ABI3: variants seen among roughly 807,000 people sequenced by gnomAD.
The protein encoded by ABI3 is ABI gene family member 3.
A neutral mutation model predicts 37.0 loss-of-function variants in ABI3; 24 were observed. The ratio of observed to expected loss-of-function variants is 0.65; its 90% CI spans 0.47 to 0.91. The LOEUF is 0.91. ABI3 is among the 40% of genes least tolerant of loss of function. The pLI is 0.00. For missense variants in ABI3, 481 were observed against 485.1 expected (o/e 0.99, Z 0.08); for synonymous variants, 220 against 211.8 (o/e 1.04, Z -0.34).
At chr17:49,222,282 C>G in intron 7 of ABI3, 57 bp downstream of exon 7, 1 of 1,567,890 alleles carries the variant, frequency 6.4e-7, no homozygotes, top group Admixed American at 1.8e-5. Flanking sequence ...TTGCCCTGAT[C>G]CCCATTCTCC....
Position 49,219,787 on chromosome 17 carries a change from C to A in ABI3, c.549-71C>A. 1.3e-6 allele frequency: 2 copies of A among 1,487,626 alleles called. No homozygotes were observed. Among genetic ancestry groups the A allele is most frequent in the South Asian group, 2.4e-5 (2 of 82,932 alleles). The allele number at this position is 1,487,626 out of a possible 1,614,324, so 92.2% of individuals were successfully genotyped here. On this transcript the variant is annotated intron_variant, in intron 4 of 7. Coordinates refer to ENST00000225941, the MANE Select transcript of ABI3 (RefSeq NM_016428.3). This position sits in a 1 kb window ranked among gnomAD's most constrained non-coding sequence, Gnocchi z 4.3. ...CCCCCTCGGCCACCTGCCCTTCCTG[C>A]TCGCACCCGACCCCTGCTGGCCAGA... is the stretch of plus-strand genomic sequence containing the variant.
At position 49,216,520 on chromosome 17, in the gene ABI3, G is replaced by GT; in HGVS notation, c.118-10dup. Reference sequence around the variant, plus strand: ...ATGCTGGCCCTTAGGCCAGGGCTGTGTGTATTTCAGGCCACAGACAAGCGG... The same window carrying GT: ...ATGCTGGCCCTTAGGCCAGGGCTGTGTTGTATTTCAGGCCACAGACAAGCGG... On this transcript the variant is annotated splice_polypyrimidine_tract_variant and intron_variant, in intron 1 of 7. Coordinates refer to ENST00000225941, the MANE Select transcript of ABI3 (RefSeq NM_016428.3). 6.4e-7 allele frequency: 1 copy of GT among 1,559,028 alleles called. No individual in the cohort carries two copies. Among genetic ancestry groups the GT allele is most frequent in the South Asian group, 1.2e-5 (1 of 83,252 alleles).
At chr17:49,211,664 C>A (rs2043168834) in intron 1 of ABI3, among the ~76,000 whole-genome samples, 1 of 151,952 alleles carries the variant, frequency 6.6e-6, no homozygotes, top group Non-Finnish European at 1.5e-5. Flanking sequence ...GCCAGGCATT[C>A]CTTTTTTTTC....
At chr17:49,222,036 C>T in intron 6 of ABI3, 55 bp from the exon 7 acceptor site, 4 of 1,515,164 alleles carry the variant, frequency 2.6e-6, no homozygotes, top group Non-Finnish European at 3.5e-6. Flanking sequence ...AGTTCCCTGA[C>T]ACACTGAAGG....
rs1455611899 is a variant in ABI3 at position 49,217,887 on chromosome 17, G to A, written c.434G>A (p.Cys145Tyr). The A allele has an allele frequency of 1.9e-6, 3 of 1,575,108 alleles. No homozygotes were observed. The highest frequency in any genetic ancestry group is 2.6e-6 in the Non-Finnish European group (3 of 1,164,088). ...TGCAGGAGACCCCTCAACTTTGGCTGCCTGGACGACATTGGCCATGGGATC... is the reference window on the plus strand; with the variant it reads ...TGCAGGAGACCCCTCAACTTTGGCTACCTGGACGACATTGGCCATGGGATC... ...PYCRRPLNFG[C>Y]LDDIGHGIKD... Residue 145 changes from cysteine to tyrosine, a missense_variant, in exon 3 of 8, where the codon TGC becomes TAC. Physicochemically the swap from Cys to Tyr is radical, Grantham distance 194 (BLOSUM62 -2). Transcript: ENST00000225941.
intron 1 of ABI3, among the ~76,000 whole-genome samples, chr17:49,211,386 G>T (rs1288838132): frequency 6.6e-6 from 1 of 152,182 alleles, no homozygotes; most frequent in Non-Finnish European, 1.5e-5. Flanking sequence ...TAACTGCTGG[G>T]AGCAGGCTTC....
chr17:49,212,395 C>T lies in ABI3; in HGVS notation c.117+1554C>T, dbSNP rs190280828. Among the ~76,000 whole-genome samples the T allele has an allele frequency of 1.3e-3, 203 of 152,324 alleles. 2 individuals are homozygous for T. Among genetic ancestry groups the T allele is most frequent in the South Asian group, 4.4e-3 (21 of 4,820 alleles). On this transcript the variant is annotated intron_variant, in intron 1 of 7. Transcript: ENST00000225941. ...AGAGCTGCAGACTAACCTTGTTACC[C>T]CTTGGGCAAAACTTTATTTTTCTAA...
chr17:49,222,442 A>G, intron 7 of ABI3, 110 bp from the exon 8 acceptor site: 1 of 1,435,540 alleles, frequency 7.0e-7, no homozygotes, highest in East Asian at 2.3e-5. Flanking sequence ...GGCCCCCAAG[A>G]TGGCCCCTAG....
At chr17:49,222,066 A>C in intron 6 of ABI3, 25 bp from the exon 7 acceptor site, 1 of 1,570,974 alleles carries the variant, frequency 6.4e-7, no homozygotes, top group Non-Finnish European at 8.6e-7. Flanking sequence ...TGCCACACTT[A>C]CAGCCTTTCT....
At position 49,210,769 on chromosome 17, in the gene ABI3, C is replaced by G; in HGVS notation, c.45C>G (p.Gly15=). 6.4e-7 allele frequency: 1 copy of G among 1,555,652 alleles called. No individual in the cohort carries two copies. Among genetic ancestry groups the G allele is most frequent in the Non-Finnish European group, 8.7e-7 (1 of 1,149,312 alleles). The change falls in exon 1 of 8, where the codon GGC becomes GGG. Residue 15 remains glycine (G), a synonymous_variant. Transcript: ENST00000225941. The surrounding 1 kb of genome is among the most constrained non-coding windows in gnomAD (Gnocchi z 4.2). ...QQLQEFEIPT[G]REALRGNHSA... is the part of the protein sequence containing the mutation. The stretch of plus-strand genomic sequence containing the variant: ...TGCAGGAGTTTGAGATCCCCACTGG[C>G]CGGGAGGCTCTGAGGGGCAACCACA...
Position 49,219,409 on chromosome 17 carries a change from G to T in ABI3, c.463-131G>T. ...GTGTAGGAGAGGGGCCTGAGAAGTG[G>T]AAGTGGGAACTGGCTATGCCGGGCT... is the stretch of plus-strand genomic sequence containing the variant. On this transcript the variant is annotated intron_variant, in intron 3 of 7. Coordinates refer to ENST00000225941, the MANE Select transcript of ABI3 (RefSeq NM_016428.3). This position sits in a 1 kb window ranked among gnomAD's most constrained non-coding sequence, Gnocchi z 4.3. 1.4e-6 allele frequency: 1 copy of T among 734,918 alleles called. No individual in the cohort carries two copies. The highest frequency in any genetic ancestry group is 2.3e-6 in the Non-Finnish European group (1 of 443,178). 45.5% of individuals were successfully genotyped at this position (734,918 alleles called of 1,614,324 possible). A position where few individuals can be genotyped will look rare whatever the true frequency, so the allele number is the denominator to read the frequency against.
chr17:49,219,555 C>T lies in ABI3; in HGVS notation c.478C>T (p.Leu160=). 2 of 1,604,674 alleles carry T rather than the reference C, an allele frequency of 1.2e-6. No homozygotes were observed. The highest frequency in any genetic ancestry group is 1.7e-6 in the Non-Finnish European group (2 of 1,175,942). ...TCCCTCGCAGGACCTCAGCACGCAG[C>T]TGTCAAGAACAGGCACCCTGTCTCG... ...GHGIKDLSTQ[L]SRTGTLSRKS... is the part of the protein sequence containing the mutation. The change falls in exon 4 of 8, where the codon CTG becomes TTG. Residue 160 remains leucine (L), a synonymous_variant. Transcript: ENST00000225941. The surrounding 1 kb of genome is among the most constrained non-coding windows in gnomAD (Gnocchi z 4.3).
Position 49,220,252 on chromosome 17 carries a change from C to T in ABI3, c.728C>T (p.Pro243Leu). Residue 243 changes from proline (P) to leucine (L), a missense_variant, in exon 6 of 8, where the codon CCA becomes CTA. Coordinates refer to ENST00000225941, the MANE Select transcript of ABI3 (RefSeq NM_016428.3). ...PAPPLPSSLD[P>L]PPPPAAVEVF... The stretch of plus-strand genomic sequence containing the variant: ...CCACCTCTCCCCAGCTCCTTGGACC[C>T]ACCTCCTCCACCAGCAGCCGTCGAG... 1 of 1,610,128 alleles carries T rather than the reference C, an allele frequency of 6.2e-7. No individual in the cohort carries two copies. The highest frequency in any genetic ancestry group is 8.5e-7 in the Non-Finnish European group (1 of 1,178,852).
chr17:49,221,422 G>T (rs1460372686), intron 6 of ABI3, among the ~76,000 whole-genome samples: 1 of 152,090 alleles, frequency 6.6e-6, no homozygotes, highest in African/African-American at 2.4e-5. Context: ...AGTGAGCCGA[G>T]ATCGTGCCAC....
At chr17:49,217,511 A>G (rs2043231568) in intron 2 of ABI3, among the ~76,000 whole-genome samples, 1 of 146,400 alleles carries the variant, frequency 6.8e-6, no homozygotes, top group East Asian at 2.0e-4. Context: ...ATAATAACCC[A>G]TACTCTCTTT....
chr17:49,219,536 G>T lies in ABI3; in HGVS notation c.463-4G>T. 1.3e-6 allele frequency: 2 copies of T among 1,599,180 alleles called. No individual in the cohort carries two copies. The highest frequency in any genetic ancestry group is 1.3e-5 in the African/African-American group (1 of 74,704). ...TGTAAGCCCTACCTCCCGCTCCCTCGCAGGACCTCAGCACGCAGCTGTCAA... is the reference window on the plus strand; with the variant it reads ...TGTAAGCCCTACCTCCCGCTCCCTCTCAGGACCTCAGCACGCAGCTGTCAA... On this transcript the variant is annotated splice_polypyrimidine_tract_variant and splice_region_variant and intron_variant, in intron 3 of 7. Coordinates refer to ENST00000225941, the MANE Select transcript of ABI3 (RefSeq NM_016428.3). This position sits in a 1 kb window ranked among gnomAD's most constrained non-coding sequence, Gnocchi z 4.3.
At position 49,222,747 on chromosome 17, in the gene ABI3, G is replaced by T; in HGVS notation, c.*32G>T. The T allele has an allele frequency of 6.5e-7, 1 of 1,535,950 alleles. No homozygotes were observed. ...AGGGCTCTCTGGGCAGCTGATGTCTGCACTGAGTGGGTTTCATGAGCCCCA... is the reference window on the plus strand; with the variant it reads ...AGGGCTCTCTGGGCAGCTGATGTCTTCACTGAGTGGGTTTCATGAGCCCCA... On this transcript the variant is annotated 3_prime_UTR_variant, in exon 8 of 8. Coordinates refer to ENST00000225941, the MANE Select transcript of ABI3 (RefSeq NM_016428.3).
At chr17:49,218,561 A>T (rs2043245584) in intron 3 of ABI3, among the ~76,000 whole-genome samples, 1 of 151,732 alleles carries the variant, frequency 6.6e-6, no homozygotes, top group South Asian at 2.1e-4. Context: ...CTCCCCTTCA[A>T]CCACCAGGCC....
At position 49,216,535 on chromosome 17, in the gene ABI3, C is replaced by T; in HGVS notation, c.122C>T (p.Thr41Ile). The T allele has an allele frequency of 6.3e-7, 1 of 1,575,592 alleles. No individual in the cohort carries two copies. The highest frequency in any genetic ancestry group is 1.2e-5 in the South Asian group (1 of 85,854). The change falls in exon 2 of 8, where the codon ACA becomes ATA. Residue 41 changes from threonine to isoleucine, a missense_variant. Coordinates refer to ENST00000225941, the MANE Select transcript of ABI3 (RefSeq NM_016428.3). ...CCAGGGCTGTGTGTATTTCAGGCCACAGACAAGCGGAAGGCGCTGGAGGAG... is the reference window on the plus strand; with the variant it reads ...CCAGGGCTGTGTGTATTTCAGGCCATAGACAAGCGGAAGGCGCTGGAGGAG... ...DYCEDNYVQA[T>I]DKRKALEETM...
Sources: allele counts gnomAD v4.1 joint callset (sites outside exome capture counted in the v4.1 genomes callset), GRCh38; gene constraint gnomAD v4.1.1; non-coding constraint Gnocchi (gnomAD v3.1); transcripts MANE v1.5; gene names NCBI Gene and HGNC (gene_info 2026-07-23, HGNC 2026-07-21).